The following PRMT8 variants were observed in gnomAD, a reference collection of about 807,000 sequenced individuals.
The protein encoded by PRMT8 is protein arginine methyltransferase 8.
Under a neutral mutation model 47.1 loss-of-function variants are expected in PRMT8, and 7 were observed. The ratio of observed to expected loss-of-function variants is 0.15; its 90% confidence interval spans 0.08 to 0.28. PRMT8 has a LOEUF of 0.28. Among genes scored for constraint, PRMT8 ranks in the 10% least tolerant of loss-of-function variants. The pLI, the probability that PRMT8 is intolerant of heterozygous loss-of-function variation, is 1.00. For missense variants in PRMT8, 237 were observed against 505.4 expected, an observed-to-expected ratio of 0.47 and a Z score of 5.09; for synonymous variants, 188 against 186.5, an observed-to-expected ratio of 1.01 and a Z score of -0.07.
intron 1 of PRMT8, among the ~76,000 whole-genome samples, chr12:3,474,552 C>G (rs1865191179): frequency 6.6e-6 from 1 of 152,084 alleles, no homozygotes; most frequent in African/African-American, 2.4e-5. Flanking sequence ...AGCTGTGCCT[C>G]ATCTCCACCA....
At chr12:3,579,508 G>T (rs1048199472) in intron 7 of PRMT8, among the ~76,000 whole-genome samples, 1 of 152,080 alleles carries the variant, frequency 6.6e-6, no homozygotes, top group African/African-American at 2.4e-5. Context: ...CGGGGCTCTG[G>T]TTCTGTCTCA....
intron 1 of PRMT8, among the ~76,000 whole-genome samples, chr12:3,407,285 A>G (rs1864382126): frequency 6.6e-6 from 1 of 152,138 alleles, no homozygotes; most frequent in Non-Finnish European, 1.5e-5. Context: ...ACAATTCAAG[A>G]TGAGATTTTG....
intron 7 of PRMT8, 135 bp from the exon 8 acceptor site, chr12:3,582,923 G>A: frequency 9.2e-7 from 1 of 1,086,562 alleles, no homozygotes; most frequent in African/African-American, 1.6e-5. Flanking sequence ...GGGAGCCTGG[G>A]AAATCACCCC....
intron 1 of PRMT8, among the ~76,000 whole-genome samples, chr12:3,403,620 C>T (rs577911165): frequency 6.6e-6 from 1 of 152,038 alleles, no homozygotes; most frequent in East Asian, 1.9e-4. Context: ...TGGCTCACGA[C>T]TGTAATCCCA....
At chr12:3,408,262 C>G (rs908765972) in intron 1 of PRMT8, among the ~76,000 whole-genome samples, 3 of 149,332 alleles carry the variant, frequency 2.0e-5, no homozygotes, top group Non-Finnish European at 3.0e-5. Flanking sequence ...TAGATCATGT[C>G]TAACTCTTTT....
intron 1 of PRMT8, among the ~76,000 whole-genome samples, chr12:3,482,480 A>G (rs1865284388): frequency 6.6e-6 from 1 of 152,164 alleles, no homozygotes. Flanking sequence ...GTTTTCTAGA[A>G]GTTAAAAAAT....
chr12:3,439,016 C>T (rs896990150), intron 1 of PRMT8, among the ~76,000 whole-genome samples: 1 of 152,180 alleles, frequency 6.6e-6, no homozygotes, highest in Non-Finnish European at 1.5e-5. Context: ...AAGTTTTTCA[C>T]ATAGATTTGC....
intron 1 of PRMT8, among the ~76,000 whole-genome samples, chr12:3,439,431 T>A (rs1285181948): frequency 6.6e-6 from 1 of 152,220 alleles, no homozygotes; most frequent in Non-Finnish European, 1.5e-5. Context: ...CTGAGACACC[T>A]GGCTCTATTG....
At position 3,556,222 on chromosome 12, in the gene PRMT8, T is replaced by C. The variant is rs556397923; in HGVS notation, c.481+2508T>C. On this transcript the variant is annotated intron_variant, in intron 4 of 9. Transcript: ENST00000382622. ...CTTCCACTTGGGAGTCATCAACCTA[T>C]AGGTGGTATTTAAAGCCAGAGGATG... 8.5e-5 allele frequency among the ~76,000 whole-genome samples: 13 copies of C among 152,106 alleles called. No individual in the cohort carries two copies. In the East Asian group the frequency reaches 1.9e-3, roughly 23 times the overall value.
At chr12:3,419,019 C>T (rs758187666) in intron 1 of PRMT8, among the ~76,000 whole-genome samples, 22 of 152,202 alleles carry the variant, frequency 1.4e-4, no homozygotes, top group Non-Finnish European at 2.6e-4. Flanking sequence ...TTTTTAAAGC[C>T]GTTGGGTTGC....
At chr12:3,411,557 A>T (rs892481818) in intron 1 of PRMT8, among the ~76,000 whole-genome samples, 1 of 152,220 alleles carries the variant, frequency 6.6e-6, no homozygotes, top group African/African-American at 2.4e-5. Context: ...TTAAAACTAA[A>T]AGCGTGTAAT....
chr12:3,469,925 G>A (rs547068980), intron 1 of PRMT8, among the ~76,000 whole-genome samples: 2 of 152,240 alleles, frequency 1.3e-5, no homozygotes, highest in Non-Finnish European at 2.9e-5. Flanking sequence ...ACACAGCATC[G>A]CCACGTGCTG....
chr12:3,435,741 C>G (rs994616327), intron 1 of PRMT8, among the ~76,000 whole-genome samples: 1 of 151,924 alleles, frequency 6.6e-6, no homozygotes, highest in Admixed American at 6.5e-5. Flanking sequence ...AGGATGGTCT[C>G]GATCTCCTGA....
intron 7 of PRMT8, among the ~76,000 whole-genome samples, chr12:3,581,306 T>G (rs1867059576): frequency 6.6e-6 from 1 of 152,192 alleles, no homozygotes; most frequent in African/African-American, 2.4e-5. Flanking sequence ...AAGGGACCTG[T>G]GTGAATTGGA....
intron 9 of PRMT8, 82 bp downstream of exon 9, chr12:3,592,434 T>C: frequency 1.4e-6 from 2 of 1,469,874 alleles, no homozygotes; most frequent in Non-Finnish European, 1.8e-6. Flanking sequence ...CCCGGGTTCT[T>C]AAGTGTCTCA....
rs1867033637 is a variant in PRMT8, at chr12:3,580,333, T to TATGC, written c.829-2725_829-2724insATGC. Among the ~76,000 whole-genome samples the TATGC allele has an allele frequency of 9.4e-6, 1 of 106,438 alleles. No individual in the cohort carries two copies. The allele number at this position is 106,438 out of a possible 152,430, so 69.8% of individuals were successfully genotyped here. On this transcript the variant is annotated intron_variant, in intron 7 of 9. Transcript: ENST00000382622. This position sits in a 1 kb window ranked among gnomAD's most constrained non-coding sequence, Gnocchi z 4.6. ...GAATTCCTGCCAGATGGGGGGTGCG[T>TATGC]GTGCGTGTGTGTGTGTGTGTGTGTG...
At chr12:3,497,029 T>C (rs1377680772) in intron 1 of PRMT8, among the ~76,000 whole-genome samples, 1 of 152,028 alleles carries the variant, frequency 6.6e-6, no homozygotes, top group African/African-American at 2.4e-5. Context: ...GGAGTGGGTT[T>C]CATTTCCTCC....
intron 1 of PRMT8, among the ~76,000 whole-genome samples, chr12:3,518,298 A>C (rs1865827442): frequency 6.6e-6 from 1 of 152,156 alleles, no homozygotes; most frequent in Admixed American, 6.5e-5. Context: ...CCTTGTAAAC[A>C]GCAGGCATCT....
chr12:3,547,323 C>T (rs140129958), intron 2 of PRMT8, among the ~76,000 whole-genome samples: 83 of 151,440 alleles, frequency 5.5e-4, no homozygotes, highest in African/African-American at 1.9e-3. Flanking sequence ...TATTCACAAG[C>T]GACAGGATTT....
Sources: gnomAD v4.1 joint callset for allele counts (sites outside exome capture counted in the v4.1 genomes callset) on GRCh38, gnomAD v4.1.1 for gene constraint, Gnocchi (gnomAD v3.1) non-coding constraint, MANE v1.5 for transcripts, NCBI Gene and HGNC (gene_info 2026-07-23, HGNC 2026-07-21) for gene names.